Variants in CD83 observed in about 807,000 individuals in gnomAD.
The protein encoded by CD83 is CD83 molecule.
A neutral mutation model predicts 24.6 loss-of-function variants in CD83; 22 were observed. That is an observed-to-expected ratio of 0.90 (90% CI 0.64 to 1.28). The LOEUF (loss-of-function observed/expected upper bound fraction) is 1.28, where lower values mean the gene tolerates loss of function less well. CD83 is among the 50% of genes most tolerant of loss of function. CD83 has a pLI of 0.00. For synonymous variants in CD83, 101 were observed against 103.5 expected (o/e 0.98, Z 0.14); for missense variants, 253 against 252.8 (o/e 1.00, Z -0.01).
intron 2 of CD83, among the ~76,000 whole-genome samples, chr6:14,128,640 G>A (rs911276587): frequency 3.3e-5 from 5 of 152,218 alleles, no homozygotes; most frequent in African/African-American, 1.2e-4. Flanking sequence ...AGATGACCCT[G>A]TGAGAGTTGA....
At chr6:14,127,311 T>C (rs1759841378) in intron 2 of CD83, among the ~76,000 whole-genome samples, 1 of 152,190 alleles carries the variant, frequency 6.6e-6, no homozygotes, top group Non-Finnish European at 1.5e-5. Context: ...ACAAATCTGC[T>C]ATATGATAAA....
intron 2 of CD83, 85 bp downstream of exon 2, chr6:14,118,150 CTG>C: frequency 2.1e-6 from 2 of 953,960 alleles, no homozygotes; most frequent in Non-Finnish European, 3.0e-6. Context: ...TGGCGACCCT[CTG>C]TGGCTGCCAG....
At chr6:14,131,100 G>T (rs904184111) in intron 2 of CD83, among the ~76,000 whole-genome samples, 4 of 152,180 alleles carry the variant, frequency 2.6e-5, no homozygotes, top group Non-Finnish European at 5.9e-5. Context: ...CAAATAAAAG[G>T]CTGGGATACA....
intron 2 of CD83, among the ~76,000 whole-genome samples, chr6:14,118,427 A>G (rs1759595055): frequency 6.6e-6 from 1 of 152,126 alleles, no homozygotes; most frequent in Non-Finnish European, 1.5e-5. Flanking sequence ...ACAGGGACCT[A>G]GATTTGGGCA....
intron 4 of CD83, among the ~76,000 whole-genome samples, chr6:14,134,785 A>G (rs1475075587): frequency 1.3e-5 from 2 of 152,222 alleles, no homozygotes; most frequent in Non-Finnish European, 2.9e-5. Context: ...GAAGATAATT[A>G]GAGTTACCAG....
chr6:14,133,979 AAAAC>A (rs978036628), intron 4 of CD83, among the ~76,000 whole-genome samples: 2 of 152,172 alleles, frequency 1.3e-5, no homozygotes, highest in Non-Finnish European at 2.9e-5. Context: ...GTGGAAAAAA[AAAAC>A]AAAGTAAGAT....
chr6:14,134,054 G>A (rs191317493), intron 4 of CD83, among the ~76,000 whole-genome samples: 31 of 152,282 alleles, frequency 2.0e-4, no homozygotes, highest in East Asian at 5.8e-4. Context: ...CCCTGTAGGC[G>A]CAGTGCTAGA....
At chr6:14,131,891 C>T (rs1284608749) in intron 3 of CD83, 143 bp downstream of exon 3, 30 of 624,822 alleles carry the variant, frequency 4.8e-5, no homozygotes, top group Non-Finnish European at 8.1e-5. Context: ...CCGCTGCAAG[C>T]ATGTCACCAT....
chr6:14,134,856 G>T (rs1337576388), intron 4 of CD83, among the ~76,000 whole-genome samples: 1 of 152,202 alleles, frequency 6.6e-6, no homozygotes, highest in Non-Finnish European at 1.5e-5. Flanking sequence ...GCTTCTGTGG[G>T]CATTGACTTT....
chr6:14,121,132 T>A (rs567364698), intron 2 of CD83, among the ~76,000 whole-genome samples: 128 of 152,286 alleles, frequency 8.4e-4, no homozygotes, highest in Admixed American at 1.9e-3. Flanking sequence ...AATAGAAAAG[T>A]TAATACATTA....
chr6:14,123,308 A>C (rs1272350634), intron 2 of CD83, among the ~76,000 whole-genome samples: 1 of 152,102 alleles, frequency 6.6e-6, no homozygotes, highest in Non-Finnish European at 1.5e-5. Flanking sequence ...CATGTTGGCC[A>C]GGCTGGTCTC....
At position 14,129,294 on chromosome 6, in the gene CD83, C is replaced by T. The variant is rs1321054874; in HGVS notation, c.154-2226C>T. ...ACACAGATTGGCCCTGGATGGGCCT[C>T]GGTCTCTGGTCTCTTGAAAGCCCTT... is the stretch of plus-strand genomic sequence containing the variant. On this transcript the variant is annotated intron_variant, in intron 2 of 4. Transcript: ENST00000379153. The surrounding 1 kb of genome is among the most constrained non-coding windows in gnomAD (Gnocchi z 4.3). Among the ~76,000 whole-genome samples, 3 of 152,244 alleles carry T rather than the reference C, an allele frequency of 2.0e-5. No homozygotes were observed. Among genetic ancestry groups the T allele is most frequent in the Non-Finnish European group, 4.4e-5 (3 of 68,048 alleles).
intron 2 of CD83, among the ~76,000 whole-genome samples, chr6:14,128,501 T>C (rs1179147526): frequency 2.0e-5 from 3 of 152,192 alleles, no homozygotes; most frequent in African/African-American, 7.2e-5. Context: ...AGGTGCAATG[T>C]ATGAATTTAC....
chr6:14,120,128 C>T (rs549882717), intron 2 of CD83, among the ~76,000 whole-genome samples: 8 of 152,142 alleles, frequency 5.3e-5, no homozygotes, highest in East Asian at 1.9e-4. Flanking sequence ...AAAGTCATAC[C>T]GTAGTTATTT....
chr6:14,119,585 G>A (rs77940372), intron 2 of CD83, among the ~76,000 whole-genome samples: 3,408 of 152,266 alleles, frequency 0.022, 117 homozygotes, highest in African/African-American at 0.078. Context: ...GCTAAATGGT[G>A]GAGTTGGGAT....
chr6:14,129,557 C>T lies in CD83; in HGVS notation c.154-1963C>T, dbSNP rs1759898659. Among the ~76,000 whole-genome samples, 1 of 152,174 alleles carries T rather than the reference C, an allele frequency of 6.6e-6. No homozygotes were observed. Among genetic ancestry groups the T allele is most frequent in the Non-Finnish European group, 1.5e-5 (1 of 68,046 alleles). ...GGGCCCCAGTCTTTTAGCTTCCTCC[C>T]ATAGATTCTTGATTATTTAGGAAGG... On this transcript the variant is annotated intron_variant, in intron 2 of 4. Transcript: ENST00000379153. This position sits in a 1 kb window ranked among gnomAD's most constrained non-coding sequence, Gnocchi z 4.3.
upstream of CD83, chr6:14,117,591 CG>C (rs1759557207): frequency 4.1e-5 from 2 of 49,344 alleles, no homozygotes; most frequent in East Asian, 3.5e-4. The surrounding 1 kb of genome is among the most constrained non-coding windows in gnomAD (Gnocchi z 4.6). Context: ...GCGGGTGCGA[CG>C]GGGGCGGGGA....
At chr6:14,118,119 C>A (rs553558881) in intron 2 of CD83, 54 bp downstream of exon 2, 2 of 1,301,882 alleles carry the variant, frequency 1.5e-6, no homozygotes, top group East Asian at 2.6e-5. Flanking sequence ...TTGAAGACAG[C>A]AGGAACCATC....
rs1041956552 is a variant in CD83, at chr6:14,126,997, A to AT, written c.154-4514dup. Among the ~76,000 whole-genome samples, 344 of 141,140 alleles carry AT rather than the reference A, an allele frequency of 2.4e-3. 1 individual carries two copies. Among genetic ancestry groups the AT allele is most frequent in the African/African-American group, 7.6e-3 (289 of 38,124 alleles). The allele number at this position is 141,140 out of a possible 152,430, so 92.6% of individuals were successfully genotyped here. A position where few individuals can be genotyped will look rare whatever the true frequency, so the allele number is the denominator to read the frequency against. On this transcript the variant is annotated intron_variant, in intron 2 of 4. Coordinates refer to ENST00000379153, the MANE Select transcript of CD83 (RefSeq NM_004233.4). Reference sequence around the variant, plus strand: ...CCCCCACCCCTGCTTTTATTTTTTTATTTTTTTTTAAGACGGAGTCATGCT... The same window carrying AT: ...CCCCCACCCCTGCTTTTATTTTTTTATTTTTTTTTTAAGACGGAGTCATGCT...
Sources: allele counts gnomAD v4.1 joint callset (sites outside exome capture counted in the v4.1 genomes callset), GRCh38; gene constraint gnomAD v4.1.1; non-coding constraint Gnocchi (gnomAD v3.1); transcripts MANE v1.5; gene names NCBI Gene and HGNC (gene_info 2026-07-23, HGNC 2026-07-21).